Variants in DIP2C observed in about 807,000 individuals in gnomAD.
DIP2C encodes the protein disco-interacting protein 2 homolog C.
Under a neutral mutation model 192.4 loss-of-function variants are expected in DIP2C, and 33 were observed. The observed-to-expected ratio is 0.17, with a 90% CI of 0.13 to 0.23. DIP2C has a LOEUF of 0.23. Ranked by LOEUF, DIP2C falls within the 10% of genes least tolerant of loss-of-function variation. The pLI is 1.00. For synonymous variants in DIP2C, 979 were observed against 864.1 expected (o/e 1.13, Z -2.33); for missense variants, 1,537 against 2,110.1 (o/e 0.73, Z 5.32).
chr10:590,791 T>G (rs1186719121), intron 1 of DIP2C, among the ~76,000 whole-genome samples: 1 of 152,222 alleles, frequency 6.6e-6, no homozygotes, highest in Non-Finnish European at 1.5e-5. Context: ...ACAGCCACCA[T>G]TCTGATGACC....
chr10:601,241 A>G (rs1852053896), intron 1 of DIP2C, among the ~76,000 whole-genome samples: 1 of 152,192 alleles, frequency 6.6e-6, no homozygotes, highest in Non-Finnish European at 1.5e-5. Flanking sequence ...TTACCACTCC[A>G]AAGGTTCAGT....
At chr10:433,094 G>A (rs978436771) in intron 4 of DIP2C, among the ~76,000 whole-genome samples, 1 of 152,158 alleles carries the variant, frequency 6.6e-6, no homozygotes, top group African/African-American at 2.4e-5. Flanking sequence ...GTCTATAAAT[G>A]TCAATTATAT....
At chr10:624,397 G>A (rs1315833709) in intron 1 of DIP2C, among the ~76,000 whole-genome samples, 1 of 152,204 alleles carries the variant, frequency 6.6e-6, no homozygotes, top group Non-Finnish European at 1.5e-5. Flanking sequence ...GTGCTCCAGG[G>A]GCCCCAAAAC....
intron 5 of DIP2C, among the ~76,000 whole-genome samples, chr10:419,466 T>C (rs1167918632): frequency 6.6e-6 from 1 of 152,194 alleles, no homozygotes; most frequent in Non-Finnish European, 1.5e-5. Flanking sequence ...GCATTTTAAC[T>C]AGAATAACGT....
In DIP2C at chr10:357,042, C is replaced by T. The variant is rs76556161; in HGVS notation, c.2905-536G>A. Reference sequence around the variant, plus strand: ...ACATGTGTGCTACTGAGCTGGTCCACAGTAAAAGGGGCAGCCTTATTTCAC... The same window carrying T: ...ACATGTGTGCTACTGAGCTGGTCCATAGTAAAAGGGGCAGCCTTATTTCAC... On this transcript the variant is annotated intron_variant, in intron 23 of 36. Coordinates refer to ENST00000280886, the MANE Select transcript of DIP2C (RefSeq NM_014974.3). 7.2e-4 allele frequency among the ~76,000 whole-genome samples: 109 copies of T among 152,354 alleles called. 5 individuals are homozygous for T. The East Asian group carries it at 0.02, about 28-fold the overall frequency.
chr10:398,938 G>A (rs1167294412), intron 10 of DIP2C, among the ~76,000 whole-genome samples, 171 bp downstream of exon 10: 2 of 152,174 alleles, frequency 1.3e-5, no homozygotes, highest in Non-Finnish European at 2.9e-5. Flanking sequence ...TCCACCTCCA[G>A]GACGCCCATC....
chr10:605,438 A>G (rs1213540797), intron 1 of DIP2C, among the ~76,000 whole-genome samples: 2 of 152,202 alleles, frequency 1.3e-5, no homozygotes, highest in African/African-American at 4.8e-5. Context: ...TTACAGAAAA[A>G]CTACCATAAG....
chr10:307,101 C>T (rs1215580847), intron 32 of DIP2C, among the ~76,000 whole-genome samples: 4 of 152,336 alleles, frequency 2.6e-5, no homozygotes, highest in South Asian at 4.1e-4. Context: ...TTCCCTCCAC[C>T]ATGAGTGAAG....
chr10:293,751 G>C (rs1445226078), intron 32 of DIP2C, among the ~76,000 whole-genome samples: 3 of 152,136 alleles, frequency 2.0e-5, no homozygotes, highest in African/African-American at 7.2e-5. Flanking sequence ...AAAATAACAG[G>C]CATCATGTTC....
At chr10:552,483 A>G (rs1479268869) in intron 1 of DIP2C, among the ~76,000 whole-genome samples, 1 of 152,234 alleles carries the variant, frequency 6.6e-6, no homozygotes, top group Non-Finnish European at 1.5e-5. Flanking sequence ...GTTCTCATAG[A>G]CTAAGTATTA....
chr10:588,176 C>G (rs1851187409), intron 1 of DIP2C, among the ~76,000 whole-genome samples: 2 of 118,224 alleles, frequency 1.7e-5, no homozygotes, highest in Non-Finnish European at 1.7e-5. Context: ...CAGCCCTGAC[C>G]CTGCGGAAAC....
intron 1 of DIP2C, among the ~76,000 whole-genome samples, chr10:658,188 A>G (rs1394935330): frequency 1.4e-4 from 9 of 65,706 alleles, no homozygotes; most frequent in East Asian, 1.1e-3. Flanking sequence ...TGGACCTCAC[A>G]CTGGACCTGT....
At chr10:372,899 A>G (rs564352668) in intron 17 of DIP2C, among the ~76,000 whole-genome samples, 44 of 152,218 alleles carry the variant, frequency 2.9e-4, no homozygotes, top group Non-Finnish European at 5.6e-4. Context: ...TTAACTTCTG[A>G]CCTGGTGGTG....
intron 13 of DIP2C, among the ~76,000 whole-genome samples, chr10:388,727 G>A (rs1351931960): frequency 6.6e-6 from 1 of 152,182 alleles, no homozygotes; most frequent in Non-Finnish European, 1.5e-5. Context: ...TATGAGGATG[G>A]GCAGATAATA....
chr10:595,253 G>A (rs185924549), intron 1 of DIP2C, among the ~76,000 whole-genome samples: 9 of 152,282 alleles, frequency 5.9e-5, no homozygotes, highest in East Asian at 5.8e-4. Context: ...TGTGACTCGT[G>A]GGCCATGACA....
At position 666,605 on chromosome 10, in the gene DIP2C, TGCCCGTGGCCTGTCTGCCCGTGGCCTGTC is replaced by T. The variant is rs1857112878; in HGVS notation, c.85+22860_85+22888del. On this transcript the variant is annotated intron_variant, in intron 1 of 36. Transcript: ENST00000280886. The surrounding 1 kb of genome is among the most constrained non-coding windows in gnomAD (Gnocchi z 4.1). ...CCACGAGGTCGGCCCGTGGCCTGTC[TGCCCGTGGCCTGTCTGCCCGTGGCCTGTC>T]TGCCCGTGGCCTGTCTGCGCACAGC... 1 of 1,246 alleles carries T rather than the reference TGCCCGTGGCCTGTCTGCCCGTGGCCTGTC, an allele frequency of 8.0e-4. No homozygotes were observed. The highest frequency in any genetic ancestry group is 5.7e-3 in the Non-Finnish European group (1 of 174). 0.1% of individuals were successfully genotyped at this position (1,246 alleles called of 1,614,324 possible).
intron 1 of DIP2C, among the ~76,000 whole-genome samples, chr10:563,880 T>C (rs181833018): frequency 1.6e-4 from 24 of 152,200 alleles, no homozygotes; most frequent in Admixed American, 1.5e-3. Context: ...GTGTGAGTCA[T>C]TTTCCTTAGT....
At chr10:342,842 C>T (rs776277279) in intron 28 of DIP2C, among the ~76,000 whole-genome samples, 2 of 151,868 alleles carry the variant, frequency 1.3e-5, no homozygotes, top group South Asian at 2.1e-4. Context: ...CTGTAATAGT[C>T]CCCCTACAGT....
Position 275,965 on chromosome 10 carries a change from G to A in DIP2C, c.*1360C>T, listed in dbSNP as rs1472764374. ...GGGCTGGGTCTTAAGACGAGGGGAC[G>A]ATCACCGATGTGAGTTCCGGACACT... On this transcript the variant is annotated 3_prime_UTR_variant, in exon 37 of 37. Transcript: ENST00000280886. 1.3e-5 allele frequency: 2 copies of A among 152,242 alleles called. No individual in the cohort carries two copies. Among genetic ancestry groups the A allele is most frequent in the Non-Finnish European group, 2.9e-5 (2 of 68,060 alleles). 9.4% of individuals were successfully genotyped at this position (152,242 alleles called of 1,614,324 possible).
Sources: gnomAD v4.1 joint callset for allele counts (sites outside exome capture counted in the v4.1 genomes callset) on GRCh38, gnomAD v4.1.1 for gene constraint, Gnocchi (gnomAD v3.1) non-coding constraint, MANE v1.5 for transcripts, NCBI Gene and HGNC (gene_info 2026-07-23, HGNC 2026-07-21) for gene names.